ADCY3: variants seen among roughly 807,000 people sequenced by gnomAD.
ADCY3 encodes adenylate cyclase type 3.
A neutral mutation model predicts 119.4 loss-of-function variants in ADCY3; 70 were observed. That is an observed-to-expected ratio of 0.59 (90% confidence interval 0.48 to 0.72). The LOEUF is 0.72. ADCY3 is among the 30% of genes least tolerant of loss of function. ADCY3 has a pLI of 0.00. For missense variants in ADCY3, 1,238 were observed against 1,541.6 expected (o/e 0.80, Z 3.30); for synonymous variants, 672 against 621.4 (o/e 1.08, Z -1.21).
chr2:24,846,276 C>T (rs1407957181), intron 3 of ADCY3, among the ~76,000 whole-genome samples: 1 of 152,158 alleles, frequency 6.6e-6, no homozygotes, highest in African/African-American at 2.4e-5. Flanking sequence ...AGCTGCAGAC[C>T]CTCAAAGCCA....
chr2:24,829,644 G>A (rs576630845), intron 13 of ADCY3, among the ~76,000 whole-genome samples: 29 of 150,848 alleles, frequency 1.9e-4, no homozygotes, highest in East Asian at 1.8e-3. Context: ...GGATGATTTC[G>A]ATCTCCTGAC....
intron 3 of ADCY3, among the ~76,000 whole-genome samples, chr2:24,871,404 T>C (rs1437887124): frequency 2.0e-5 from 3 of 152,138 alleles, no homozygotes; most frequent in Non-Finnish European, 2.9e-5. Flanking sequence ...GAAAATCCCC[T>C]CCTATGGGGG....
Position 24,841,033 on chromosome 2 carries a change from GC to G in ADCY3, c.1196+225del. On this transcript the variant is annotated intron_variant, in intron 6 of 21. Transcript: ENST00000679454. This position sits in a 1 kb window ranked among gnomAD's most constrained non-coding sequence, Gnocchi z 5.8. Reference sequence around the variant, plus strand: ...AAGGCTGGAAAAGTGTGCCCCACAGGCTGGGGGAGCCTCGCAGGTCCCCTGG... The same window carrying G: ...AAGGCTGGAAAAGTGTGCCCCACAGGTGGGGGAGCCTCGCAGGTCCCCTGG... 6.6e-6 allele frequency among the ~76,000 whole-genome samples: 1 copy of G among 152,346 alleles called. No individual in the cohort carries two copies. Among genetic ancestry groups the G allele is most frequent in the South Asian group, 2.1e-4 (1 of 4,832 alleles).
chr2:24,914,414 T>G (rs113385171), intron 2 of ADCY3, among the ~76,000 whole-genome samples: 1,843 of 152,316 alleles, frequency 0.012, 38 homozygotes, highest in African/African-American at 0.04. Context: ...GGCTCACACC[T>G]GTAATCCCAG....
At chr2:24,848,242 C>T (rs1671883981) in intron 3 of ADCY3, among the ~76,000 whole-genome samples, 1 of 152,252 alleles carries the variant, frequency 6.6e-6, no homozygotes, top group Admixed American at 6.5e-5. Flanking sequence ...CCCTTAACGG[C>T]ATTCTTAAGC....
chr2:24,825,823 A>G (rs1668542178), intron 16 of ADCY3: 1 of 571,992 alleles, frequency 1.7e-6, no homozygotes, highest in South Asian at 2.2e-5. Context: ...TTCCTTCACC[A>G]TCCTGGAGGG....
At position 24,834,416 on chromosome 2, in the gene ADCY3, T is replaced by TGGGGGCGGG; in HGVS notation, c.1967+68_1967+69insCCCGCCCCC. 1 of 881,728 alleles carries TGGGGGCGGG rather than the reference T, an allele frequency of 1.1e-6. No homozygotes were observed. Among genetic ancestry groups the TGGGGGCGGG allele is most frequent in the Non-Finnish European group, 1.7e-6 (1 of 591,316 alleles). The allele number at this position is 881,728 out of a possible 1,614,324, so 54.6% of individuals were successfully genotyped here. On this transcript the variant is annotated intron_variant, in intron 11 of 21. Coordinates refer to ENST00000679454, the MANE Select transcript of ADCY3 (RefSeq NM_004036.5). The surrounding 1 kb of genome is among the most constrained non-coding windows in gnomAD (Gnocchi z 4.2). ...AATGTCAGGCTCCCGCTGAGACACC[T>TGGGGGCGGG]GCCCCCGCCCCCCGCCCGGCACCAC...
chr2:24,918,073 T>G lies in ADCY3; in HGVS notation c.675+240A>C, dbSNP rs868159008. On this transcript the variant is annotated intron_variant, in intron 2 of 21. Transcript: ENST00000679454. This position sits in a 1 kb window ranked among gnomAD's most constrained non-coding sequence, Gnocchi z 5.4. ...GTCACACACTTAGACTGGGCACAGGTGAAGAGTGGCCCTGAGGCCCAATGC... is the reference window on the plus strand; with the variant it reads ...GTCACACACTTAGACTGGGCACAGGGGAAGAGTGGCCCTGAGGCCCAATGC... Among the ~76,000 whole-genome samples, 1 of 151,896 alleles carries G rather than the reference T, an allele frequency of 6.6e-6. No individual in the cohort carries two copies. The highest frequency in any genetic ancestry group is 1.5e-5 in the Non-Finnish European group (1 of 67,968).
intron 3 of ADCY3, among the ~76,000 whole-genome samples, chr2:24,856,182 T>C: frequency 6.6e-6 from 1 of 150,822 alleles, no homozygotes; most frequent in Non-Finnish European, 1.5e-5. Context: ...ATGTGGAGAG[T>C]GTGTGTGTGT....
chr2:24,877,173 A>C (rs1056538612), intron 2 of ADCY3, among the ~76,000 whole-genome samples: 2 of 152,110 alleles, frequency 1.3e-5, no homozygotes, highest in Non-Finnish European at 2.9e-5. Context: ...CACTGTCCTC[A>C]CATCTGTGTC....
chr2:24,851,211 T>C (rs1054096858), intron 3 of ADCY3, among the ~76,000 whole-genome samples: 11 of 151,892 alleles, frequency 7.2e-5, no homozygotes, highest in African/African-American at 2.7e-4. Flanking sequence ...GGACATAACC[T>C]GAGGAGGGGG....
chr2:24,823,715 G>T, intron 17 of ADCY3, among the ~76,000 whole-genome samples: 2 of 138,458 alleles, frequency 1.4e-5, no homozygotes, highest in Non-Finnish European at 1.5e-5. Context: ...TTTGAGAGAT[G>T]GAGTCTTGCT....
intron 3 of ADCY3, among the ~76,000 whole-genome samples, chr2:24,854,041 C>CA: frequency 6.6e-6 from 1 of 152,180 alleles, no homozygotes; most frequent in Non-Finnish European, 1.5e-5. Flanking sequence ...CTTGAGGACA[C>CA]AGAGGCCACT....
At chr2:24,888,796 G>A (rs565138438) in intron 2 of ADCY3, among the ~76,000 whole-genome samples, 1 of 152,218 alleles carries the variant, frequency 6.6e-6, no homozygotes, top group South Asian at 2.1e-4. Context: ...ATCACCTGAG[G>A]TGAAGAGTTT....
chr2:24,822,537 T>C lies in ADCY3; in HGVS notation c.2977A>G (p.Thr993Ala). The change falls in exon 19 of 22, where the codon ACC (threonine) becomes GCC (alanine). Residue 993 changes from threonine to alanine, a missense_variant. Physicochemically the swap from Thr to Ala is moderately conservative, Grantham distance 58 (BLOSUM62 0). This residue lies in a region of ADCY3 where 63 missense variants were observed against 62.8 expected (regional missense o/e 1.00). Transcript: ENST00000679454. The stretch of plus-strand genomic sequence containing the variant: ...TTGTTGGAGCTGGCAAAGCCATTGG[T>C]GTTGACATCGGGGGTGACTCCTGAA... The part of the protein sequence containing the change: ...AASGVTPDVN[T>A]NGFASSNKED... The C allele has an allele frequency of 6.2e-7, 1 of 1,614,012 alleles. No individual in the cohort carries two copies. Among genetic ancestry groups the C allele is most frequent in the Non-Finnish European group, 8.5e-7 (1 of 1,179,956 alleles).
chr2:24,827,785 C>G, intron 14 of ADCY3, 117 bp downstream of exon 14: 1 of 1,511,308 alleles, frequency 6.6e-7, no homozygotes, highest in East Asian at 2.3e-5. Flanking sequence ...TTGAACAAGC[C>G]TTTGAGGACC....
At chr2:24,820,465 C>T in intron 21 of ADCY3, 1 of 1,346,818 alleles carries the variant, frequency 7.4e-7, no homozygotes, top group East Asian at 2.9e-5. Context: ...AGACAGATCA[C>T]AAGGTATTAG....
At chr2:24,885,542 C>A (rs1392961316) in intron 2 of ADCY3, among the ~76,000 whole-genome samples, 2 of 152,192 alleles carry the variant, frequency 1.3e-5, no homozygotes, top group East Asian at 1.9e-4. Context: ...CCTTTCTGTG[C>A]CTCCAGCAGG....
chr2:24,900,626 T>C (rs937303280), intron 2 of ADCY3, among the ~76,000 whole-genome samples: 1 of 152,152 alleles, frequency 6.6e-6, no homozygotes, highest in African/African-American at 2.4e-5. Context: ...ATGTAAGGTC[T>C]GGAAACCATG....
Sources: gnomAD v4.1 joint callset for allele counts (sites outside exome capture counted in the v4.1 genomes callset) on GRCh38, gnomAD v4.1.1 for gene constraint, gnomAD v4.1.1 regional missense constraint, Gnocchi (gnomAD v3.1) non-coding constraint, MANE v1.5 for transcripts, NCBI Gene and HGNC (gene_info 2026-07-23, HGNC 2026-07-21) for gene names.